Variants in C1QTNF2 observed in about 807,000 individuals in gnomAD.
The protein encoded by C1QTNF2 is C1q and TNF related 2.
Under a neutral mutation model 17.4 loss-of-function variants are expected in C1QTNF2, and 15 were observed. The observed-to-expected ratio is 0.86, with a 90% CI of 0.58 to 1.33. C1QTNF2 has a LOEUF of 1.33. C1QTNF2 is among the 40% of genes most tolerant of loss of function. The pLI is 0.00. For missense variants in C1QTNF2, 381 were observed against 392.3 expected (o/e 0.97, Z 0.24); for synonymous variants, 154 against 163.3 (o/e 0.94, Z 0.44).
chr5:160,356,692 G>A (rs749228483), intron 1 of C1QTNF2, among the ~76,000 whole-genome samples: 1 of 152,156 alleles, frequency 6.6e-6, no homozygotes, highest in Non-Finnish European at 1.5e-5. Flanking sequence ...GGGGATCCTC[G>A]GCAGCTGTGG....
At chr5:160,353,450 C>T (rs1763963569) in intron 2 of C1QTNF2, among the ~76,000 whole-genome samples, 1 of 152,090 alleles carries the variant, frequency 6.6e-6, no homozygotes, top group Non-Finnish European at 1.5e-5. Context: ...TCATACGGTC[C>T]TAGCGGGGCT....
At chr5:160,367,021 CAAAAAAAAAAAAAAA>C (rs71285021) in intron 1 of C1QTNF2, among the ~76,000 whole-genome samples, 3 of 87,362 alleles carry the variant, frequency 3.4e-5, no homozygotes, top group Non-Finnish European at 7.2e-5. Flanking sequence ...AAGACATTGT[CAAAAAAAAAAAAAAA>C]AAAGAAAAAG....
chr5:160,354,991 C>G lies in C1QTNF2; in HGVS notation c.21G>C (p.Leu7=). Residue 7 remains leucine, a synonymous_variant, in exon 2 of 3, where the codon CTG becomes CTC. Coordinates refer to ENST00000652664, the MANE Select transcript of C1QTNF2 (RefSeq NM_031908.6). ...CAGCAGCACAGGGGAGGGCACAGGCCAGGAGCACCCAGGGGATCATGGTGG... is the reference window on the plus strand; with the variant it reads ...CAGCAGCACAGGGGAGGGCACAGGCGAGGAGCACCCAGGGGATCATGGTGG... MIPWVL[L]ACALPCAADP... The G allele has an allele frequency of 6.3e-7, 1 of 1,579,702 alleles. No homozygotes were observed. The highest frequency in any genetic ancestry group is 8.6e-7 in the Non-Finnish European group (1 of 1,164,334).
chr5:160,351,756 G>A (rs569935529), intron 2 of C1QTNF2, among the ~76,000 whole-genome samples: 1 of 151,904 alleles, frequency 6.6e-6, no homozygotes. Context: ...ATATTACAAT[G>A]AGACTGTATT....
chr5:160,359,616 G>C (rs12522766), intron 1 of C1QTNF2, among the ~76,000 whole-genome samples: 84,164 of 151,998 alleles, frequency 0.55, 23,364 homozygotes, highest in Middle Eastern at 0.66. Context: ...CTCTCTCTTG[G>C]GGTGCTGGAG....
At position 160,354,832 on chromosome 5, in the gene C1QTNF2, C is replaced by A. The variant is rs771327893; in HGVS notation, c.180G>T (p.Met60Ile). Residue 60 changes from methionine (M) to isoleucine (I), a missense_variant, in exon 2 of 3, where the codon ATG becomes ATT. By Grantham distance (10) the Met-to-Ile change is conservative (BLOSUM62 1). Coordinates refer to ENST00000652664, the MANE Select transcript of C1QTNF2 (RefSeq NM_031908.6). ...CTTGGCCGTCTTTGCCAGGAAAGCC[C>A]ATTCGTCCCATCATTCCTGAGGGCC... ...APGPSGMMGR[M>I]GFPGKDGQDG... The A allele has an allele frequency of 6.2e-6, 10 of 1,613,328 alleles. No homozygotes were observed. The highest frequency in any genetic ancestry group is 8.5e-6 in the Non-Finnish European group (10 of 1,179,866).
intron 1 of C1QTNF2, among the ~76,000 whole-genome samples, chr5:160,367,568 G>T (rs1764269024): frequency 6.6e-6 from 1 of 152,246 alleles, no homozygotes; most frequent in Non-Finnish European, 1.5e-5. Flanking sequence ...TGAAGACACA[G>T]CAGATGATGG....
intron 2 of C1QTNF2, among the ~76,000 whole-genome samples, 173 bp downstream of exon 2, chr5:160,354,595 A>ATATATATATATATATATAT (rs1393405391): frequency 6.1e-5 from 2 of 32,736 alleles, no homozygotes; most frequent in African/African-American, 1.1e-4. Context: ...AAAAAAAAAA[A>ATATATATATATATATATAT]AAGTATATAT....
At chr5:160,351,944 G>A (rs1763932888) in intron 2 of C1QTNF2, among the ~76,000 whole-genome samples, 1 of 149,096 alleles carries the variant, frequency 6.7e-6, no homozygotes, top group African/African-American at 2.5e-5. Flanking sequence ...AGAGTCTCAC[G>A]CTGTTACGCA....
At chr5:160,359,035 C>A (rs1581037067) in intron 1 of C1QTNF2, among the ~76,000 whole-genome samples, 1 of 152,168 alleles carries the variant, frequency 6.6e-6, no homozygotes. Flanking sequence ...TTCAGCCTCC[C>A]AAAGTGCTGA....
intron 1 of C1QTNF2, among the ~76,000 whole-genome samples, chr5:160,367,191 T>C (rs771126517): frequency 2.6e-5 from 4 of 152,210 alleles, no homozygotes; most frequent in African/African-American, 4.8e-5. Context: ...TCTGTACTTT[T>C]TGTTTTGGGT....
rs1763846358 is a variant in C1QTNF2 at position 160,348,616 on chromosome 5, A to C, written c.*552T>G. 6.5e-6 allele frequency: 1 copy of C among 152,688 alleles called. No homozygotes were observed. Among genetic ancestry groups the C allele is most frequent in the Non-Finnish European group, 1.5e-5 (1 of 68,410 alleles). The allele number at this position is 152,688 out of a possible 1,614,324, so 9.5% of individuals were successfully genotyped here. On this transcript the variant is annotated 3_prime_UTR_variant, in exon 3 of 3. Transcript: ENST00000652664. Reference sequence around the variant, plus strand: ...TTGGGGAAGGGAGGTGAGAAGTTGGAAATAGCTTGTTCTTTGATCTACATG... The same window carrying C: ...TTGGGGAAGGGAGGTGAGAAGTTGGCAATAGCTTGTTCTTTGATCTACATG...
At chr5:160,350,976 T>A (rs1763909190) in intron 2 of C1QTNF2, among the ~76,000 whole-genome samples, 1 of 152,138 alleles carries the variant, frequency 6.6e-6, no homozygotes. Flanking sequence ...GGTCTTAAAC[T>A]CCTGACCTCG....
In C1QTNF2 at chr5:160,349,887, AG is replaced by A; in HGVS notation, c.245-107del. On this transcript the variant is annotated intron_variant, in intron 2 of 2. Transcript: ENST00000652664. This position sits in a 1 kb window ranked among gnomAD's most constrained non-coding sequence, Gnocchi z 4.3. ...CTTGGAGAAGGAGTGCTTGGGTAAT[AG>A]AAAGAACAAGAAGGCTTTGCAGACA... The A allele has an allele frequency of 7.7e-7, 1 of 1,295,894 alleles. No homozygotes were observed. The highest frequency in any genetic ancestry group is 1.0e-6 in the Non-Finnish European group (1 of 971,034). 80.3% of individuals were successfully genotyped at this position (1,295,894 alleles called of 1,614,324 possible).
chr5:160,358,187 G>A (rs1764087011), intron 1 of C1QTNF2, among the ~76,000 whole-genome samples: 2 of 152,216 alleles, frequency 1.3e-5, no homozygotes. Context: ...GAGGAGTCTT[G>A]GGAGCTAGAG....
At chr5:160,367,584 T>C (rs924483912) in intron 1 of C1QTNF2, among the ~76,000 whole-genome samples, 1 of 152,200 alleles carries the variant, frequency 6.6e-6, no homozygotes, top group African/African-American at 2.4e-5. Context: ...GATGGCCACC[T>C]GCAAGCCACA....
At chr5:160,365,344 T>C (rs1764227740) in intron 1 of C1QTNF2, among the ~76,000 whole-genome samples, 1 of 152,324 alleles carries the variant, frequency 6.6e-6, no homozygotes, top group East Asian at 1.9e-4. Flanking sequence ...TCCTTGACTT[T>C]TCTGGGTGAA....
chr5:160,352,926 A>G (rs763006223), intron 2 of C1QTNF2, among the ~76,000 whole-genome samples: 12 of 152,208 alleles, frequency 7.9e-5, no homozygotes, highest in Non-Finnish European at 1.6e-4. Context: ...CTATGCTGAG[A>G]CTGGTCCTTC....
rs189886430 is a variant in C1QTNF2, at chr5:160,365,666, T to A, written c.-10+4846A>T. 1.4e-3 allele frequency among the ~76,000 whole-genome samples: 218 copies of A among 152,338 alleles called. 4 individuals are homozygous for A. Among genetic ancestry groups the A allele is most frequent in the Admixed American group, 0.011 (168 of 15,302 alleles). ...TGGTGGTTAAGTTGTTTTCCAGCTG[T>A]TTGACCTTGGGCCAAGTTATTTAAT... On this transcript the variant is annotated intron_variant, in intron 1 of 2. Coordinates refer to ENST00000652664, the MANE Select transcript of C1QTNF2 (RefSeq NM_031908.6).
Sources: gnomAD v4.1 joint callset for allele counts (sites outside exome capture counted in the v4.1 genomes callset) on GRCh38, gnomAD v4.1.1 for gene constraint, Gnocchi (gnomAD v3.1) non-coding constraint, MANE v1.5 for transcripts, NCBI Gene and HGNC (gene_info 2026-07-23, HGNC 2026-07-21) for gene names.